The following DNAI7 variants were observed in gnomAD, a reference collection of about 807,000 sequenced individuals.
DNAI7 encodes the protein dynein axonemal intermediate chain 7.
DNAI7 carries 78 observed loss-of-function variants against 86.6 expected under a neutral mutation model. The ratio of observed to expected loss-of-function variants is 0.90; its 90% confidence interval spans 0.75 to 1.09. DNAI7 has a LOEUF of 1.09. Among genes scored for constraint, DNAI7 ranks in the 50% least tolerant of loss-of-function variants. The pLI, the probability that DNAI7 is intolerant of heterozygous loss-of-function variation, is 0.00. For synonymous variants in DNAI7, 274 were observed against 273.0 expected, an observed-to-expected ratio of 1.00 and a Z score of -0.04; for missense variants, 753 against 810.2, an observed-to-expected ratio of 0.93 and a Z score of 0.86.
At chr12:25,140,172 A>G (rs1311450329) in intron 9 of DNAI7, among the ~76,000 whole-genome samples, 3 of 152,218 alleles carry the variant, frequency 2.0e-5, no homozygotes, top group African/African-American at 4.8e-5. Context: ...TCTATTCAAC[A>G]TAGTACTGGA....
At chr12:25,173,815 A>G (rs1392520021) in intron 2 of DNAI7, among the ~76,000 whole-genome samples, 3 of 148,220 alleles carry the variant, frequency 2.0e-5, no homozygotes, top group Non-Finnish European at 3.0e-5. Context: ...CATCATATAT[A>G]TACATCATAT....
intron 2 of DNAI7, among the ~76,000 whole-genome samples, chr12:25,164,887 C>T (rs1191232948): frequency 1.2e-5 from 1 of 80,910 alleles, no homozygotes. Context: ...CACCTCCCCT[C>T]CTCACACCCG....
chr12:25,119,378 A>T, intron 11 of DNAI7, 77 bp from the exon 12 acceptor site: 1 of 830,026 alleles, frequency 1.2e-6, no homozygotes, highest in South Asian at 2.1e-5. Flanking sequence ...TGAATAAGTT[A>T]TATAGTTATT....
intron 9 of DNAI7, among the ~76,000 whole-genome samples, chr12:25,125,243 A>G (rs533706042): frequency 1.3e-5 from 2 of 152,322 alleles, no homozygotes; most frequent in African/African-American, 4.8e-5. Context: ...CCAACAGTGT[A>G]TAAGTGTTCC....
rs751469432 is a variant in DNAI7, at chr12:25,161,183, T to C, written c.36A>G (p.Lys12=). The stretch of plus-strand genomic sequence containing the variant: ...ATCGTTCAGCTTTGGTGACTTTCTT[T>C]TTCTTACTGCCAGACTTAACAAAGG... ...GPKAKKSGSK[K]KKVTKAERLK... is the part of the protein sequence containing the mutation. Residue 12 remains lysine, a synonymous_variant, in exon 3 of 16, where the codon AAA becomes AAG. Coordinates refer to ENST00000395987, the MANE Select transcript of DNAI7 (RefSeq NM_018272.5). The C allele has an allele frequency of 5.6e-6, 9 of 1,613,918 alleles. No homozygotes were observed. Among genetic ancestry groups the C allele is most frequent in the Non-Finnish European group, 7.6e-6 (9 of 1,179,870 alleles).
chr12:25,160,522 C>T (rs180805804), intron 3 of DNAI7, among the ~76,000 whole-genome samples: 2 of 152,212 alleles, frequency 1.3e-5, no homozygotes, highest in Admixed American at 1.3e-4. Context: ...CCGGCCAAAG[C>T]GCTCACCCCG....
At chr12:25,162,575 T>C (rs578104897) in intron 2 of DNAI7, among the ~76,000 whole-genome samples, 1 of 152,362 alleles carries the variant, frequency 6.6e-6, no homozygotes, top group Admixed American at 6.5e-5. Context: ...GTATAGACTC[T>C]TGGATCTTCT....
chr12:25,146,363 G>A (rs11047862), intron 8 of DNAI7, among the ~76,000 whole-genome samples: 27,392 of 151,836 alleles, frequency 0.18, 2,595 homozygotes, highest in Middle Eastern at 0.24. Flanking sequence ...TTGGAAGGCC[G>A]AGGCAGGCTG....
chr12:25,194,871 G>C, intron 1 of DNAI7: 1 of 1,613,356 alleles, frequency 6.2e-7, no homozygotes, highest in Non-Finnish European at 8.5e-7. Flanking sequence ...GCAGAAACTG[G>C]TTTGGGACTC....
chr12:25,159,617 C>T (rs1193235223), intron 3 of DNAI7, among the ~76,000 whole-genome samples: 1 of 152,160 alleles, frequency 6.6e-6, no homozygotes, highest in African/African-American at 2.4e-5. Flanking sequence ...CTTCAGAAGA[C>T]TTCCATAATC....
At chr12:25,127,821 A>G (rs1316623565) in intron 9 of DNAI7, among the ~76,000 whole-genome samples, 1 of 152,200 alleles carries the variant, frequency 6.6e-6, no homozygotes. Flanking sequence ...TAAAAACAGA[A>G]TATAGATTCC....
chr12:25,170,330 G>A (rs1947998638), intron 2 of DNAI7, among the ~76,000 whole-genome samples: 1 of 151,766 alleles, frequency 6.6e-6, no homozygotes, highest in South Asian at 2.1e-4. Context: ...GGCAGAGGTT[G>A]CAGTGAGCCG....
chr12:25,180,580 T>TA (rs1355383035), intron 2 of DNAI7, among the ~76,000 whole-genome samples: 3 of 151,976 alleles, frequency 2.0e-5, no homozygotes, highest in African/African-American at 7.2e-5. Context: ...GGTATTGGTA[T>TA]AAAAATAGAT....
chr12:25,136,826 A>G (rs1943612067), intron 9 of DNAI7, among the ~76,000 whole-genome samples: 1 of 152,196 alleles, frequency 6.6e-6, no homozygotes, highest in African/African-American at 2.4e-5. Context: ...CAAAGCTTGA[A>G]GACAAGGCTT....
At chr12:25,146,117 G>C (rs1309852836) in intron 8 of DNAI7, among the ~76,000 whole-genome samples, 1 of 151,844 alleles carries the variant, frequency 6.6e-6, no homozygotes, top group Admixed American at 6.6e-5. Context: ...AGCTACTCAG[G>C]AGGCTGAGGC....
At chr12:25,153,777 A>G (rs939486713) in intron 6 of DNAI7, among the ~76,000 whole-genome samples, 6 of 152,208 alleles carry the variant, frequency 3.9e-5, no homozygotes, top group African/African-American at 1.4e-4. Context: ...TTTTGATTAA[A>G]GCAATGAATT....
chr12:25,108,081 T>C, downstream of DNAI7: 1 of 1,602,062 alleles, frequency 6.2e-7, no homozygotes, highest in Non-Finnish European at 8.5e-7. Context: ...TCCTAATATA[T>C]GGATCTTGAT....
At chr12:25,145,404 C>T (rs913659428) in intron 8 of DNAI7, among the ~76,000 whole-genome samples, 3 of 152,140 alleles carry the variant, frequency 2.0e-5, no homozygotes, top group African/African-American at 7.2e-5. Flanking sequence ...TGCACTATTC[C>T]TTATCTCGTA....
At chr12:25,171,995 A>G (rs1948197905) in intron 2 of DNAI7, among the ~76,000 whole-genome samples, 1 of 152,196 alleles carries the variant, frequency 6.6e-6, no homozygotes, top group East Asian at 1.9e-4. Flanking sequence ...TGACAAACCC[A>G]CAGCCAACAT....
Sources: allele counts gnomAD v4.1 joint callset (sites outside exome capture counted in the v4.1 genomes callset), GRCh38; gene constraint gnomAD v4.1.1; transcripts MANE v1.5; gene names NCBI Gene and HGNC (gene_info 2026-07-23, HGNC 2026-07-21).